Variants in NREP observed in about 807,000 individuals in gnomAD.
NREP encodes the protein neuronal regeneration related protein.
A neutral mutation model predicts 8.6 loss-of-function variants in NREP; 5 were observed. That is an observed-to-expected ratio of 0.58 (90% CI 0.30 to 1.22). The LOEUF is 1.22. Among genes scored for constraint, NREP ranks in the 50% most tolerant of loss-of-function variants. The pLI, the probability that NREP is intolerant of heterozygous loss-of-function variation, is 0.07. For synonymous variants in NREP, 27 were observed against 28.0 expected (o/e 0.96, Z 0.11); for missense variants, 86 against 82.5 (o/e 1.04, Z -0.17).
intron 2 of NREP, among the ~76,000 whole-genome samples, chr5:111,914,573 A>G (rs1054386823): frequency 1.3e-5 from 2 of 152,170 alleles, no homozygotes; most frequent in Admixed American, 6.5e-5. Flanking sequence ...AACCGGACAC[A>G]GCAGTAGGAT....
chr5:111,736,473 C>A (rs1026503898), intron 2 of NREP, among the ~76,000 whole-genome samples: 36 of 152,136 alleles, frequency 2.4e-4, no homozygotes, highest in African/African-American at 8.2e-4. Context: ...TAATAAACAA[C>A]AATTAAGAGT....
At chr5:111,845,169 T>G (rs1444445628) in intron 2 of NREP, among the ~76,000 whole-genome samples, 2 of 152,074 alleles carry the variant, frequency 1.3e-5, no homozygotes, top group East Asian at 3.9e-4. Flanking sequence ...CTTACTTCAC[T>G]CTCCTTCCCC....
chr5:111,975,481 C>A (rs1581266555), intron 1 of NREP: 1 of 759,432 alleles, frequency 1.3e-6, no homozygotes, highest in South Asian at 1.7e-5. Flanking sequence ...GCATTGTTCT[C>A]ATTTCTAAAA....
At chr5:111,767,312 T>G (rs1267966071) in intron 2 of NREP, among the ~76,000 whole-genome samples, 1 of 152,248 alleles carries the variant, frequency 6.6e-6, no homozygotes, top group East Asian at 1.9e-4. Flanking sequence ...AAAAATCTTA[T>G]TAGTTTCCGA....
At chr5:111,863,691 G>C (rs1753602411) in intron 2 of NREP, among the ~76,000 whole-genome samples, 1 of 152,084 alleles carries the variant, frequency 6.6e-6, no homozygotes, top group Non-Finnish European at 1.5e-5. Context: ...ACTTTAATAA[G>C]CAATCATAAT....
chr5:111,929,896 A>G (rs1299147966), intron 2 of NREP, among the ~76,000 whole-genome samples: 2 of 152,174 alleles, frequency 1.3e-5, no homozygotes, highest in African/African-American at 4.8e-5. Flanking sequence ...GGGTTAAGCA[A>G]GTTTAGTCCT....
intron 2 of NREP, among the ~76,000 whole-genome samples, chr5:111,813,851 G>A (rs1385554534): frequency 6.6e-6 from 1 of 152,040 alleles, no homozygotes; most frequent in East Asian, 1.9e-4. Context: ...AGCATGGAAA[G>A]TGCTATTTCT....
At chr5:111,946,574 A>G (rs1055197558) in intron 2 of NREP, among the ~76,000 whole-genome samples, 2 of 151,790 alleles carry the variant, frequency 1.3e-5, no homozygotes, top group African/African-American at 4.8e-5. Context: ...CTCCCCTCCT[A>G]TTCTTATTCT....
At chr5:111,868,404 T>C (rs1753715422) in intron 2 of NREP, among the ~76,000 whole-genome samples, 1 of 152,208 alleles carries the variant, frequency 6.6e-6, no homozygotes, top group African/African-American at 2.4e-5. Context: ...GTTTTTGTTC[T>C]TTGTTTTTGT....
intron 2 of NREP, among the ~76,000 whole-genome samples, chr5:111,798,681 G>C (rs1441134327): frequency 6.6e-6 from 1 of 151,438 alleles, no homozygotes; most frequent in Non-Finnish European, 1.5e-5. Context: ...TTCCATCCAG[G>C]TTGCTGCAAA....
At chr5:111,824,360 C>T (rs930429679) in intron 2 of NREP, among the ~76,000 whole-genome samples, 4 of 152,150 alleles carry the variant, frequency 2.6e-5, no homozygotes, top group Non-Finnish European at 2.9e-5. Context: ...CAGAGCGAGA[C>T]TCCGTCTCAA....
intron 2 of NREP, among the ~76,000 whole-genome samples, chr5:111,927,280 T>C (rs1755414637): frequency 6.6e-6 from 1 of 152,096 alleles, no homozygotes; most frequent in African/African-American, 2.4e-5. Context: ...GCTTTCAAAT[T>C]TTTTCATGAG....
chr5:111,743,122 A>G (rs911731544), intron 2 of NREP, among the ~76,000 whole-genome samples: 4 of 151,446 alleles, frequency 2.6e-5, no homozygotes, highest in East Asian at 1.9e-4. Flanking sequence ...TACAAATCTT[A>G]TAAGTAATAT....
chr5:111,850,551 G>T (rs543001452), intron 2 of NREP, among the ~76,000 whole-genome samples: 2 of 151,616 alleles, frequency 1.3e-5, no homozygotes, highest in African/African-American at 2.4e-5. Flanking sequence ...TACCTTGTCA[G>T]CCCCAAAATC....
intron 2 of NREP, among the ~76,000 whole-genome samples, chr5:111,905,849 C>A (rs191084999): frequency 2.0e-5 from 3 of 151,742 alleles, no homozygotes; most frequent in Non-Finnish European, 4.4e-5. Context: ...TACATCTGAC[C>A]CATTCCTGTG....
intron 2 of NREP, among the ~76,000 whole-genome samples, chr5:111,882,537 C>A (rs1301756197): frequency 6.6e-6 from 1 of 152,044 alleles, no homozygotes; most frequent in African/African-American, 2.4e-5. Flanking sequence ...GTCAGATTCA[C>A]CAAAGTTGAA....
chr5:111,901,532 G>C (rs1308315014), intron 2 of NREP, among the ~76,000 whole-genome samples: 1 of 151,952 alleles, frequency 6.6e-6, no homozygotes, highest in Non-Finnish European at 1.5e-5. Context: ...TGTTCCTCTT[G>C]GCAGATGACA....
At position 111,785,805 on chromosome 5, in the gene NREP, GA is replaced by G. The variant is rs1278069772; in HGVS notation, c.136-50299del. On this transcript the variant is annotated intron_variant, in intron 2 of 3. Transcript: ENST00000395634. ...AAAAATGGCATGGAGGAAAGGATGA[GA>G]AAGGCAACAATGGGGCAGGAGCAAG... 4.6e-5 allele frequency among the ~76,000 whole-genome samples: 7 copies of G among 152,204 alleles called. No homozygotes were observed. In the East Asian group the frequency reaches 1.4e-3, roughly 29 times the overall value.
chr5:111,833,049 A>T (rs1404274642), intron 2 of NREP, among the ~76,000 whole-genome samples: 1 of 152,200 alleles, frequency 6.6e-6, no homozygotes, highest in Non-Finnish European at 1.5e-5. Flanking sequence ...CCAGGACTGT[A>T]CTACTTGTGC....
Sources: allele counts gnomAD v4.1 joint callset (sites outside exome capture counted in the v4.1 genomes callset), GRCh38; gene constraint gnomAD v4.1.1; transcripts MANE v1.5; gene names NCBI Gene and HGNC (gene_info 2026-07-23, HGNC 2026-07-21).